The following PAK5 variants were observed in gnomAD, a reference collection of about 807,000 sequenced individuals.
PAK5 encodes p21 (RAC1) activated kinase 5.
In PAK5, 16 loss-of-function variants were observed where a neutral mutation model predicts 65.9. That is an observed-to-expected ratio of 0.24 (90% confidence interval 0.16 to 0.37). PAK5 has a LOEUF of 0.37. PAK5 is among the 10% of genes least tolerant of loss of function. The pLI is 1.00. For synonymous variants in PAK5, 371 were observed against 354.9 expected, an observed-to-expected ratio of 1.05 and a Z score of -0.51; for missense variants, 785 against 903.9, an observed-to-expected ratio of 0.87 and a Z score of 1.69.
rs535790906 is a variant in PAK5 at position 9,827,697 on chromosome 20, T to C, written c.-162+11065A>G. Among the ~76,000 whole-genome samples, 23 of 152,082 alleles carry C rather than the reference T, an allele frequency of 1.5e-4. No individual in the cohort carries two copies. The South Asian group carries it at 4.6e-3, about 30-fold the overall frequency. ...GGTGTGATACTCAGATAACAGAAGA[T>C]CATTTTGGAGGTAAGAATGAAAGAG... On this transcript the variant is annotated intron_variant, in intron 1 of 9. Coordinates refer to ENST00000353224, the MANE Select transcript of PAK5 (RefSeq NM_177990.4).
chr20:9,643,042 C>A (rs1426839510), intron 3 of PAK5, among the ~76,000 whole-genome samples: 1 of 152,198 alleles, frequency 6.6e-6, no homozygotes, highest in Non-Finnish European at 1.5e-5. Context: ...CATAATGTAT[C>A]AGCTGTTCTC....
chr20:9,587,971 G>A (rs1025252032), intron 3 of PAK5, among the ~76,000 whole-genome samples: 6 of 151,896 alleles, frequency 4.0e-5, no homozygotes, highest in Non-Finnish European at 5.9e-5. Context: ...CATACATAGC[G>A]CTAAGTACGT....
chr20:9,747,064 C>CA (rs927617313), intron 1 of PAK5, among the ~76,000 whole-genome samples: 4 of 152,068 alleles, frequency 2.6e-5, no homozygotes, highest in Non-Finnish European at 4.4e-5. Context: ...CACCTCTACG[C>CA]AAAAAAACTA....
chr20:9,663,382 T>C (rs554413702), intron 2 of PAK5, among the ~76,000 whole-genome samples: 2 of 152,334 alleles, frequency 1.3e-5, no homozygotes, highest in Admixed American at 1.3e-4. Context: ...AGGTATTTAA[T>C]GTGAAGTTTC....
chr20:9,771,140 C>T, intron 1 of PAK5, among the ~76,000 whole-genome samples: 1 of 152,178 alleles, frequency 6.6e-6, no homozygotes, highest in East Asian at 1.9e-4. Flanking sequence ...TTTATCTAGT[C>T]AAACCCATTT....
intron 2 of PAK5, among the ~76,000 whole-genome samples, chr20:9,710,163 G>A (rs934892018): frequency 2.0e-5 from 3 of 152,046 alleles, no homozygotes; most frequent in Non-Finnish European, 4.4e-5. Context: ...CTTCCCACAG[G>A]CTGCCTCTCA....
At chr20:9,744,576 C>A (rs1014164840) in intron 1 of PAK5, among the ~76,000 whole-genome samples, 1 of 152,130 alleles carries the variant, frequency 6.6e-6, no homozygotes. Context: ...CAATTATTGA[C>A]TAAATGGGGG....
At chr20:9,592,759 A>G (rs1029074198) in intron 3 of PAK5, among the ~76,000 whole-genome samples, 1 of 152,176 alleles carries the variant, frequency 6.6e-6, no homozygotes, top group Non-Finnish European at 1.5e-5. Flanking sequence ...TGGATGAACC[A>G]TGCAGTTTAA....
chr20:9,581,402 C>G (rs2045978401), intron 3 of PAK5, among the ~76,000 whole-genome samples: 1 of 152,090 alleles, frequency 6.6e-6, no homozygotes, highest in African/African-American at 2.4e-5. Context: ...CATTATCACC[C>G]AACTATTAAC....
At chr20:9,604,709 C>T (rs1357524389) in intron 3 of PAK5, among the ~76,000 whole-genome samples, 1 of 152,180 alleles carries the variant, frequency 6.6e-6, no homozygotes, top group East Asian at 1.9e-4. Context: ...CCCTTTGCCA[C>T]CCACACACCA....
intron 3 of PAK5, among the ~76,000 whole-genome samples, chr20:9,641,155 G>T (rs371050678): frequency 2.0e-5 from 3 of 151,730 alleles, no homozygotes; most frequent in Admixed American, 6.6e-5. Context: ...ACAGAGTTTC[G>T]ACACACAGGT....
rs373373160 is a variant in PAK5, at chr20:9,641,887, G to A, written c.204+2238C>T. 8.4e-3 allele frequency among the ~76,000 whole-genome samples: 1,285 copies of A among 152,254 alleles called. 19 individuals are homozygous for A. Among genetic ancestry groups the A allele is most frequent in the Middle Eastern group, 0.034 (10 of 294 alleles). On this transcript the variant is annotated intron_variant, in intron 3 of 9. Transcript: ENST00000353224. ...AGGGCTGGCTGGGTGCTCCGAGTGC[G>A]GGGCCCACCAAGCCCACGCCCACCC...
intron 3 of PAK5, among the ~76,000 whole-genome samples, chr20:9,592,839 T>C (rs1313030509): frequency 1.3e-5 from 2 of 152,016 alleles, no homozygotes; most frequent in African/African-American, 2.4e-5. Flanking sequence ...AGACTGAAAG[T>C]CTAAGGGAGA....
chr20:9,708,573 G>A (rs2048037406), intron 2 of PAK5, among the ~76,000 whole-genome samples: 1 of 152,114 alleles, frequency 6.6e-6, no homozygotes, highest in Non-Finnish European at 1.5e-5. Flanking sequence ...AGCAGAAACT[G>A]TAGGTGCTCT....
intron 3 of PAK5, among the ~76,000 whole-genome samples, chr20:9,593,806 ATCTCTCTCTCTCTCTCTCTT>A (rs1475762377): frequency 8.8e-5 from 13 of 147,428 alleles, no homozygotes; most frequent in African/African-American, 3.0e-4. Flanking sequence ...TATCCCAAGG[ATCTCTCTCTCTCTCTCTCTT>A]TCTCTCTCTC....
At chr20:9,641,216 C>T (rs201532635) in intron 3 of PAK5, among the ~76,000 whole-genome samples, 518 of 134,138 alleles carry the variant, frequency 3.9e-3, no homozygotes, top group Middle Eastern at 0.017. Flanking sequence ...ATTGGTGCAC[C>T]CACAAACCTT....
chr20:9,685,482 GA>G (rs1569039462), intron 2 of PAK5, among the ~76,000 whole-genome samples: 1 of 152,190 alleles, frequency 6.6e-6, no homozygotes, highest in Admixed American at 6.5e-5. Context: ...ACAGGACAAG[GA>G]GAGTAAAAGA....
At chr20:9,541,165 G>A (rs1431186464) in intron 9 of PAK5, among the ~76,000 whole-genome samples, 1 of 152,172 alleles carries the variant, frequency 6.6e-6, no homozygotes, top group East Asian at 1.9e-4. Flanking sequence ...ATTTAGGGGT[G>A]AGGAAGGAGG....
At chr20:9,540,773 G>A (rs1309554272) in intron 9 of PAK5, among the ~76,000 whole-genome samples, 1 of 147,378 alleles carries the variant, frequency 6.8e-6, no homozygotes, top group Non-Finnish European at 1.5e-5. Context: ...GTCTCGCTGT[G>A]TCACCTAGGC....
Sources: allele counts gnomAD v4.1 joint callset (sites outside exome capture counted in the v4.1 genomes callset), GRCh38; gene constraint gnomAD v4.1.1; transcripts MANE v1.5; gene names NCBI Gene and HGNC (gene_info 2026-07-23, HGNC 2026-07-21).